Variants in PCDH15 observed in about 807,000 individuals in gnomAD.
The protein encoded by PCDH15 is protocadherin related 15.
Under a neutral mutation model 178.5 loss-of-function variants are expected in PCDH15, and 129 were observed. The observed-to-expected ratio is 0.72, with a 90% CI of 0.63 to 0.84. The LOEUF is 0.84. Ranked by LOEUF, PCDH15 falls within the 40% of genes least tolerant of loss-of-function variation. The pLI is 0.00. For missense variants in PCDH15, 2,230 were observed against 2,099.9 expected, an observed-to-expected ratio of 1.06 and a Z score of -1.21; for synonymous variants, 800 against 732.0, an observed-to-expected ratio of 1.09 and a Z score of -1.50.
chr10:55,409,713 T>C (rs1838287074), intron 2 of PCDH15, among the ~76,000 whole-genome samples: 1 of 152,016 alleles, frequency 6.6e-6, no homozygotes, highest in African/African-American at 2.4e-5. Context: ...TTACAGAAAG[T>C]AAAAACATAC....
chr10:55,521,322 C>G (rs1236162647), intron 2 of PCDH15, among the ~76,000 whole-genome samples: 1 of 151,632 alleles, frequency 6.6e-6, no homozygotes, highest in Non-Finnish European at 1.5e-5. Flanking sequence ...TAGGGTTATG[C>G]CCCATTAAAC....
intron 13 of PCDH15, among the ~76,000 whole-genome samples, chr10:54,177,989 A>G (rs1045811029): frequency 6.6e-6 from 1 of 152,092 alleles, no homozygotes; most frequent in Non-Finnish European, 1.5e-5. Context: ...GTATATATAG[A>G]GGTGATGATT....
intron 26 of PCDH15, among the ~76,000 whole-genome samples, chr10:53,868,728 C>T (rs2079623017): frequency 6.6e-6 from 1 of 152,146 alleles, no homozygotes; most frequent in Admixed American, 6.6e-5. Flanking sequence ...AAAACGTTTC[C>T]AGATAATCAT....
rs568814527 is a variant in PCDH15 at position 54,631,820 on chromosome 10, T to G, written c.91+32352A>C. Among the ~76,000 whole-genome samples, 5 of 152,084 alleles carry G rather than the reference T, an allele frequency of 3.3e-5. No homozygotes were observed. In the East Asian group the frequency reaches 9.7e-4, roughly 30 times the overall value. ...TTTCATAAGGAGGCAGGAAGGAGAA[T>G]GAACTCAGGAGGAACCACCATACAC... is the stretch of plus-strand genomic sequence containing the variant. On this transcript the variant is annotated intron_variant, in intron 2 of 37. Coordinates refer to ENST00000644397, the MANE Select transcript of PCDH15 (RefSeq NM_001384140.1).
At chr10:54,856,382 A>G (rs1435924216) in intron 3 of PCDH15, among the ~76,000 whole-genome samples, 3 of 152,212 alleles carry the variant, frequency 2.0e-5, no homozygotes, top group African/African-American at 4.8e-5. Flanking sequence ...CTGGACAGCC[A>G]TCTCTAGAGA....
At chr10:54,519,794 G>T (rs11004345) in intron 3 of PCDH15, among the ~76,000 whole-genome samples, 2 of 152,038 alleles carry the variant, frequency 1.3e-5, no homozygotes, top group Admixed American at 1.3e-4. Context: ...GAGGCATCAC[G>T]CTACCTGACT....
At chr10:54,241,631 C>T (rs2055308764) in intron 8 of PCDH15, among the ~76,000 whole-genome samples, 1 of 152,212 alleles carries the variant, frequency 6.6e-6, no homozygotes, top group East Asian at 1.9e-4. Flanking sequence ...AAGAAGAGGT[C>T]ATGTCTCCTG....
At chr10:55,360,685 C>T (rs1405140926) in intron 2 of PCDH15, among the ~76,000 whole-genome samples, 1 of 151,962 alleles carries the variant, frequency 6.6e-6, no homozygotes, top group African/African-American at 2.4e-5. Context: ...CCTCAAGGCT[C>T]AAACAATGAA....
intron 3 of PCDH15, among the ~76,000 whole-genome samples, chr10:54,851,597 T>C (rs908684041): frequency 4.6e-5 from 7 of 152,084 alleles, no homozygotes; most frequent in African/African-American, 1.4e-4. Context: ...GTGTGTATAG[T>C]TGTTATTGTC....
rs149819484 is a variant in PCDH15, at chr10:55,330,259, C to A, written c.-155-163608G>T. 7.9e-3 allele frequency among the ~76,000 whole-genome samples: 1,205 copies of A among 151,800 alleles called. 8 individuals are homozygous for A. The highest frequency in any genetic ancestry group is 0.025 in the South Asian group (120 of 4,830). On this transcript the variant is annotated intron_variant, in intron 2 of 5. Transcript: ENST00000613346. ...ATCATGAGATTCAGAAAGTTAAAATCAAGCTTTTATTTGCCTAAGAAACAA... is the reference window on the plus strand; with the variant it reads ...ATCATGAGATTCAGAAAGTTAAAATAAAGCTTTTATTTGCCTAAGAAACAA...
intron 1 of PCDH15, among the ~76,000 whole-genome samples, chr10:54,759,363 A>G (rs1025635533): frequency 2.0e-5 from 3 of 152,210 alleles, no homozygotes; most frequent in Non-Finnish European, 1.5e-5. Flanking sequence ...TTTCAAAATA[A>G]AAATGAACAA....
chr10:54,359,578 A>C (rs569165161), intron 5 of PCDH15, among the ~76,000 whole-genome samples: 4 of 152,168 alleles, frequency 2.6e-5, no homozygotes, highest in African/African-American at 9.6e-5. Flanking sequence ...AATAATGTTT[A>C]AATGTAATAT....
At chr10:54,295,931 T>G (rs1395577063) in intron 8 of PCDH15, among the ~76,000 whole-genome samples, 1 of 151,114 alleles carries the variant, frequency 6.6e-6, no homozygotes, top group Admixed American at 6.6e-5. Flanking sequence ...GATCACGAGG[T>G]CAGGAGATCG....
At chr10:53,869,393 C>A (rs16937802) in intron 26 of PCDH15, among the ~76,000 whole-genome samples, 1,877 of 152,170 alleles carry the variant, frequency 0.012, 32 homozygotes, top group African/African-American at 0.043. Context: ...AAGTCAAAGT[C>A]TGAGTCAAGG....
intron 1 of PCDH15, among the ~76,000 whole-genome samples, chr10:54,686,437 T>C (rs1040256179): frequency 6.6e-6 from 1 of 152,096 alleles, no homozygotes; most frequent in Non-Finnish European, 1.5e-5. Flanking sequence ...TCCTCATTAT[T>C]TTTGTTTTGG....
At chr10:54,251,180 C>T (rs1192778533) in intron 8 of PCDH15, among the ~76,000 whole-genome samples, 1 of 152,078 alleles carries the variant, frequency 6.6e-6, no homozygotes, top group African/African-American at 2.4e-5. Context: ...TCTACCTAAT[C>T]TTTGCTTTCT....
At chr10:55,330,838 A>ATGTGTGTGTGTG (rs71461291) in intron 2 of PCDH15, among the ~76,000 whole-genome samples, 1,750 of 144,690 alleles carry the variant, frequency 0.012, 31 homozygotes, top group African/African-American at 0.042. Flanking sequence ...AGATTTATTT[A>ATGTGTGTGTGTG]TGTGTGTGTG....
chr10:53,923,853 T>G (rs1031700202), intron 25 of PCDH15, among the ~76,000 whole-genome samples: 2 of 152,246 alleles, frequency 1.3e-5, no homozygotes, highest in African/African-American at 4.8e-5. Flanking sequence ...TAAATGGCTA[T>G]TCTTTTCCTC....
upstream of PCDH15, among the ~76,000 whole-genome samples, chr10:54,804,948 T>TATATATATATATATATACAC (rs905516559): frequency 2.4e-5 from 3 of 127,238 alleles, no homozygotes; most frequent in African/African-American, 5.4e-5. Context: ...TATATATATA[T>TATATATATATATATATACAC]ACAGAGTTTG....
Sources: allele counts gnomAD v4.1 joint callset (sites outside exome capture counted in the v4.1 genomes callset), GRCh38; gene constraint gnomAD v4.1.1; transcripts MANE v1.5; gene names NCBI Gene and HGNC (gene_info 2026-07-23, HGNC 2026-07-21).